The following CHIC1 variants were observed in gnomAD, a reference collection of about 807,000 sequenced individuals.
CHIC1 encodes cysteine rich hydrophobic domain 1.
In CHIC1, 7 loss-of-function variants were observed where a neutral mutation model predicts 18.5. The ratio of observed to expected loss-of-function variants is 0.38; its 90% CI spans 0.22 to 0.71. The LOEUF (loss-of-function observed/expected upper bound fraction) is 0.71. Among genes scored for constraint, CHIC1 ranks in the 30% least tolerant of loss-of-function variants. The pLI, the probability that CHIC1 is intolerant of heterozygous loss-of-function variation, is 0.49. For synonymous variants in CHIC1, 77 were observed against 73.5 expected (o/e 1.05, Z -0.25); for missense variants, 159 against 176.9 (o/e 0.90, Z 0.57).
intron 3 of CHIC1, among the ~76,000 whole-genome samples, chrX:73,617,842 G>A (rs1348388813): frequency 9.0e-6 from 1 of 111,666 alleles, no homozygotes; most frequent in Non-Finnish European, 1.9e-5. Context: ...CCATATCAGA[G>A]TGTTAAAGAA....
At chrX:73,655,534 A>AGTG (rs2057942987) in intron 3 of CHIC1, among the ~76,000 whole-genome samples, 1 of 81,536 alleles carries the variant, frequency 1.2e-5, no homozygotes, top group African/African-American at 4.6e-5. Flanking sequence ...GTGTATATAT[A>AGTG]TATACATATA....
rs1411491130 is a variant in CHIC1, at chrX:73,594,496, G to A, written c.507+9924G>A. On this transcript the variant is annotated intron_variant, in intron 3 of 5. Coordinates refer to ENST00000373502, the MANE Select transcript of CHIC1 (RefSeq NM_001039840.4). ...TTCTGCATTGGATTTCATAGGCATTGCATGCTGAAGAAATTTATTTTTGTT... is the reference window on the plus strand; with the variant it reads ...TTCTGCATTGGATTTCATAGGCATTACATGCTGAAGAAATTTATTTTTGTT... Among the ~76,000 whole-genome samples the A allele has an allele frequency of 2.7e-5, 3 of 111,833 alleles. No individual in the cohort carries two copies. The East Asian group carries it at 8.5e-4, about 32-fold the overall frequency.
rs188884013 is a variant in CHIC1, at chrX:73,634,485, T to C, written c.508-44841T>C. 3.2e-3 allele frequency among the ~76,000 whole-genome samples: 354 copies of C among 112,353 alleles called. 1 individual carries two copies. Among genetic ancestry groups the C allele is most frequent in the Non-Finnish European group, 5.5e-3 (293 of 53,245 alleles). On this transcript the variant is annotated intron_variant, in intron 3 of 5. Coordinates refer to ENST00000373502, the MANE Select transcript of CHIC1 (RefSeq NM_001039840.4). ...ACTGTCTGTGGGAGGTCAGGCAGGC[T>C]GTGCTCAGGGAAGTATGGGCACCAT...
intron 1 of CHIC1, among the ~76,000 whole-genome samples, chrX:73,572,526 G>A (rs2057475979): frequency 9.0e-6 from 1 of 111,043 alleles, no homozygotes; most frequent in South Asian, 3.7e-4. Flanking sequence ...TTGATTCTTT[G>A]AGAAATCTCC....
chrX:73,674,324 C>G (rs1434433986), intron 3 of CHIC1, among the ~76,000 whole-genome samples: 1 of 111,991 alleles, frequency 8.9e-6, no homozygotes, highest in African/African-American at 3.2e-5. Flanking sequence ...GCTCCTCTTT[C>G]TACCTCTGGT....
At chrX:73,655,398 CAT>C (rs1391453487) in intron 3 of CHIC1, among the ~76,000 whole-genome samples, 2 of 95,336 alleles carry the variant, frequency 2.1e-5, no homozygotes, top group East Asian at 3.3e-4. Flanking sequence ...TATATATGTA[CAT>C]ATATATACAA....
At chrX:73,680,832 A>G (rs1460829556) in intron 5 of CHIC1, 123 bp from the exon 6 acceptor site, 1 of 349,592 alleles carries the variant, frequency 2.9e-6, no homozygotes, top group African/African-American at 2.7e-5. Context: ...TATTTCACTT[A>G]CTTTATATGG....
At chrX:73,659,159 C>A (rs1344405736) in intron 3 of CHIC1, among the ~76,000 whole-genome samples, 1 of 111,882 alleles carries the variant, frequency 8.9e-6, no homozygotes, top group East Asian at 2.8e-4. Flanking sequence ...GGCCAGGTTC[C>A]AAGGCCTAAG....
At chrX:73,613,428 C>G (rs2057718213) in intron 3 of CHIC1, among the ~76,000 whole-genome samples, 1 of 110,520 alleles carries the variant, frequency 9.0e-6, no homozygotes, top group African/African-American at 3.3e-5. Context: ...CCTGGTACCT[C>G]CCTTTCCACT....
rs896504562 is a variant in CHIC1 at position 73,683,329 on chromosome X, A to C, written c.*2324A>C. On this transcript the variant is annotated 3_prime_UTR_variant, in exon 6 of 6. Coordinates refer to ENST00000373502, the MANE Select transcript of CHIC1 (RefSeq NM_001039840.4). Reference sequence around the variant, plus strand: ...TTAGTTTCTTCAACTACCCAAAAAAATACCAATTTTTTTCCTCTCTTGTAT... The same window carrying C: ...TTAGTTTCTTCAACTACCCAAAAAACTACCAATTTTTTTCCTCTCTTGTAT... The C allele has an allele frequency of 8.9e-6, 1 of 111,801 alleles. No homozygotes were observed. The highest frequency in any genetic ancestry group is 3.2e-5 in the African/African-American group (1 of 30,852). 9.2% of individuals were successfully genotyped at this position (111,801 alleles called of 1,213,427 possible). A position where few individuals can be genotyped will look rare whatever the true frequency, so the allele number is the denominator to read the frequency against.
rs1016045484 is a variant in CHIC1, at chrX:73,685,360, A to G, written c.*4355A>G. 9.0e-6 allele frequency: 1 copy of G among 111,656 alleles called. No homozygotes were observed. The highest frequency in any genetic ancestry group is 1.9e-5 in the Non-Finnish European group (1 of 52,991). 9.2% of individuals were successfully genotyped at this position (111,656 alleles called of 1,213,427 possible). On this transcript the variant is annotated 3_prime_UTR_variant, in exon 6 of 6. Coordinates refer to ENST00000373502, the MANE Select transcript of CHIC1 (RefSeq NM_001039840.4). ...TGTAGAATCTGTCTATGCAGTTGGT[A>G]TTCAGGCAAGAATTTTAGCTGTAAC... is the stretch of plus-strand genomic sequence containing the variant.
chrX:73,566,280 C>A (rs2057444441), intron 1 of CHIC1, among the ~76,000 whole-genome samples: 1 of 109,927 alleles, frequency 9.1e-6, no homozygotes, highest in African/African-American at 3.3e-5. Flanking sequence ...TGTGCTTGTG[C>A]CAAACTAATT....
At chrX:73,625,359 C>A (rs1326620674) in intron 3 of CHIC1, among the ~76,000 whole-genome samples, 1 of 110,844 alleles carries the variant, frequency 9.0e-6, no homozygotes, top group Non-Finnish European at 1.9e-5. Context: ...GATGGTCACC[C>A]CAAGTAACAG....
intron 3 of CHIC1, among the ~76,000 whole-genome samples, chrX:73,675,099 A>G (rs1176332999): frequency 8.9e-6 from 1 of 111,938 alleles, no homozygotes; most frequent in Non-Finnish European, 1.9e-5. Flanking sequence ...GGTCTGAGAG[A>G]CAGTTTGTTA....
chrX:73,601,542 C>T (rs988589124), intron 3 of CHIC1, among the ~76,000 whole-genome samples: 6 of 106,512 alleles, frequency 5.6e-5, no homozygotes, highest in African/African-American at 2.2e-4. Flanking sequence ...ACCAGAATGT[C>T]TGGGACGCAT....
chrX:73,641,790 T>C (rs2057858118), intron 3 of CHIC1, among the ~76,000 whole-genome samples: 1 of 110,504 alleles, frequency 9.0e-6, no homozygotes, highest in African/African-American at 3.3e-5. Context: ...GTTCTTGCGA[T>C]GGTTTACTGA....
intron 3 of CHIC1, among the ~76,000 whole-genome samples, chrX:73,592,628 G>A: frequency 9.1e-6 from 1 of 110,421 alleles, no homozygotes; most frequent in East Asian, 2.9e-4. Context: ...GGGGATTTTT[G>A]TGTCTATGTT....
At chrX:73,624,529 T>C (rs2057774901) in intron 3 of CHIC1, among the ~76,000 whole-genome samples, 1 of 112,319 alleles carries the variant, frequency 8.9e-6, no homozygotes, top group African/African-American at 3.2e-5. Flanking sequence ...ACTGGACAGT[T>C]CTATTGCTCT....
intron 3 of CHIC1, among the ~76,000 whole-genome samples, chrX:73,641,970 A>T (rs925042579): frequency 4.5e-5 from 5 of 111,705 alleles, no homozygotes; most frequent in African/African-American, 1.6e-4. Flanking sequence ...ATAGTGCCAC[A>T]ATAAACATAC....
Sources: allele counts gnomAD v4.1 joint callset (sites outside exome capture counted in the v4.1 genomes callset), GRCh38; gene constraint gnomAD v4.1.1; transcripts MANE v1.5; gene names NCBI Gene and HGNC (gene_info 2026-07-23, HGNC 2026-07-21).